FGGY: variants seen among roughly 807,000 people sequenced by gnomAD.
The protein encoded by FGGY is FGGY carbohydrate kinase domain containing, also known as FGGY carbohydrate kinase domain-containing protein.
FGGY carries 72 observed loss-of-function variants against 71.3 expected under a neutral mutation model. The observed-to-expected ratio is 1.01, with a 90% CI of 0.84 to 1.23. The LOEUF (loss-of-function observed/expected upper bound fraction) is 1.23, where lower values mean the gene tolerates loss of function less well. Ranked by LOEUF, FGGY falls within the 50% of genes most tolerant of loss-of-function variation. The probability of loss-of-function intolerance (pLI) is 0.00; values close to 1 mark genes in which losing one functional copy is unlikely to be tolerated. For missense variants in FGGY, 668 were observed against 682.3 expected (o/e 0.98, Z 0.23); for synonymous variants, 251 against 250.3 (o/e 1.00, Z -0.02).
intron 3 of FGGY, among the ~76,000 whole-genome samples, chr1:59,343,886 T>G (rs2051221862): frequency 6.6e-6 from 1 of 152,164 alleles, no homozygotes; most frequent in African/African-American, 2.4e-5. Flanking sequence ...AACAGGTATT[T>G]TTACCTTAAA....
At chr1:59,627,452 TTTTA>T (rs1245228395) in intron 10 of FGGY, among the ~76,000 whole-genome samples, 2 of 47,560 alleles carry the variant, frequency 4.2e-5, no homozygotes, top group African/African-American at 1.6e-4. Context: ...CAACTTATGA[TTTTA>T]TATATATATA....
At chr1:59,732,072 G>C (rs2098038878) in intron 14 of FGGY, among the ~76,000 whole-genome samples, 1 of 152,116 alleles carries the variant, frequency 6.6e-6, no homozygotes, top group Non-Finnish European at 1.5e-5. Context: ...TTGCTGTGAG[G>C]ATTAAATGAA....
At chr1:59,685,297 G>A (rs1288161932) in intron 14 of FGGY, among the ~76,000 whole-genome samples, 1 of 152,012 alleles carries the variant, frequency 6.6e-6, no homozygotes, top group Non-Finnish European at 1.5e-5. Context: ...TGACAGGTGG[G>A]GCAGGTAGAG....
At chr1:59,503,756 T>C (rs2094302960) in intron 6 of FGGY, among the ~76,000 whole-genome samples, 1 of 151,518 alleles carries the variant, frequency 6.6e-6, no homozygotes, top group Non-Finnish European at 1.5e-5. Flanking sequence ...AAAAAATATG[T>C]ATAATAACAC....
intron 4 of FGGY, 134 bp from the exon 5 acceptor site, chr1:59,378,615 C>T (rs754578363): frequency 3.1e-6 from 2 of 654,224 alleles, no homozygotes; most frequent in Non-Finnish European, 5.3e-6. Flanking sequence ...TTCCTACCCC[C>T]ACCAAGCTCC....
intron 7 of FGGY, among the ~76,000 whole-genome samples, chr1:59,527,965 C>T (rs1270205695): frequency 6.6e-6 from 1 of 152,066 alleles, no homozygotes; most frequent in Non-Finnish European, 1.5e-5. Flanking sequence ...ATTCATGGAG[C>T]TAGTTAAAAT....
chr1:59,599,335 C>A (rs2096554031), intron 8 of FGGY, among the ~76,000 whole-genome samples: 1 of 147,968 alleles, frequency 6.8e-6, no homozygotes, highest in South Asian at 2.4e-4. Flanking sequence ...GAACTCCTGA[C>A]CTCCCAGTGA....
At chr1:59,736,023 T>A (rs191846968) in intron 14 of FGGY, among the ~76,000 whole-genome samples, 27 of 152,200 alleles carry the variant, frequency 1.8e-4, no homozygotes, top group African/African-American at 6.0e-4. Flanking sequence ...TGGGGGCAGG[T>A]CTTTCCCATG....
intron 9 of FGGY, among the ~76,000 whole-genome samples, chr1:59,621,961 C>A (rs1417667443): frequency 6.6e-6 from 1 of 151,676 alleles, no homozygotes; most frequent in Non-Finnish European, 1.5e-5. Context: ...CTCCCATGCC[C>A]CTGAGAGACT....
chr1:59,593,097 G>A (rs1419629403), intron 8 of FGGY, among the ~76,000 whole-genome samples: 1 of 152,212 alleles, frequency 6.6e-6, no homozygotes, highest in African/African-American at 2.4e-5. Context: ...CAGAGAGCTA[G>A]GGAAGGCCCC....
chr1:59,406,155 T>G (rs1258484719), intron 5 of FGGY, among the ~76,000 whole-genome samples: 3 of 151,874 alleles, frequency 2.0e-5, no homozygotes, highest in Admixed American at 6.6e-5. Context: ...CAAATTTGCC[T>G]ACTTACTAAA....
intron 8 of FGGY, among the ~76,000 whole-genome samples, chr1:59,561,984 T>A (rs2095799254): frequency 7.6e-6 from 1 of 131,442 alleles, no homozygotes; most frequent in Non-Finnish European, 1.5e-5. Flanking sequence ...TAAGATTCTC[T>A]ACTACTCCTA....
intron 6 of FGGY, among the ~76,000 whole-genome samples, chr1:59,472,940 A>C (rs2093044239): frequency 6.6e-6 from 1 of 152,136 alleles, no homozygotes; most frequent in African/African-American, 2.4e-5. Context: ...GGACTTGGAG[A>C]ACCTTTGTGT....
At chr1:59,498,919 A>G (rs1354346673) in intron 6 of FGGY, among the ~76,000 whole-genome samples, 3 of 152,180 alleles carry the variant, frequency 2.0e-5, no homozygotes, top group African/African-American at 7.2e-5. Context: ...TCCTTCATTC[A>G]GGAGTGAGGT....
chr1:59,486,594 C>T (rs1244171164), intron 6 of FGGY, among the ~76,000 whole-genome samples: 1 of 152,178 alleles, frequency 6.6e-6, no homozygotes, highest in African/African-American at 2.4e-5. Context: ...TCTGTGCTCC[C>T]CTGTCTTGGG....
intron 8 of FGGY, among the ~76,000 whole-genome samples, chr1:59,588,906 A>G (rs1236033500): frequency 6.6e-6 from 1 of 152,224 alleles, no homozygotes; most frequent in Admixed American, 6.5e-5. Flanking sequence ...ACCAGCTAAC[A>G]TCAAAATGAC....
intron 4 of FGGY, among the ~76,000 whole-genome samples, chr1:59,347,073 T>C (rs1219698538): frequency 1.5e-5 from 2 of 137,108 alleles, no homozygotes; most frequent in Non-Finnish European, 3.0e-5. Flanking sequence ...CCTTTATGCC[T>C]TTTTTTTCCT....
chr1:59,445,042 G>T (rs771342254), intron 5 of FGGY, among the ~76,000 whole-genome samples: 5 of 152,072 alleles, frequency 3.3e-5, no homozygotes, highest in African/African-American at 4.8e-5. Context: ...GCTCTTCATG[G>T]ATTTTTCTCT....
At chr1:59,629,315 C>A (rs2096887507) in intron 10 of FGGY, among the ~76,000 whole-genome samples, 1 of 152,126 alleles carries the variant, frequency 6.6e-6, no homozygotes, top group South Asian at 2.1e-4. Context: ...ATCAGCACAC[C>A]TACACAGAGC....
Sources: allele counts gnomAD v4.1 joint callset (sites outside exome capture counted in the v4.1 genomes callset), GRCh38; gene constraint gnomAD v4.1.1; transcripts MANE v1.5; gene names NCBI Gene and HGNC (gene_info 2026-07-23, HGNC 2026-07-21).